PID1: variants seen among roughly 807,000 people sequenced by gnomAD.
PID1 encodes PTB-containing, cubilin and LRP1-interacting protein.
In PID1, 10 loss-of-function variants were observed where a neutral mutation model predicts 19.1. The observed-to-expected ratio is 0.52, with a 90% CI of 0.32 to 0.89. PID1 has a LOEUF of 0.89. Among genes scored for constraint, PID1 ranks in the 40% least tolerant of loss-of-function variants. PID1 has a pLI of 0.03. For synonymous variants in PID1, 130 were observed against 116.0 expected (o/e 1.12, Z -0.78); for missense variants, 248 against 285.3 (o/e 0.87, Z 0.94).
chr2:229,073,410 A>T (rs959969244), intron 2 of PID1, among the ~76,000 whole-genome samples: 6 of 152,368 alleles, frequency 3.9e-5, no homozygotes, highest in Middle Eastern at 3.4e-3. Context: ...TGTGAAAACT[A>T]AGCTTCATCA....
intron 1 of PID1, among the ~76,000 whole-genome samples, chr2:229,248,950 T>C (rs1338164874): frequency 1.3e-5 from 2 of 152,220 alleles, no homozygotes; most frequent in African/African-American, 4.8e-5. Flanking sequence ...GCTTTCTTGA[T>C]GATGCTCAAA....
chr2:229,094,612 T>C (rs1694938406), intron 2 of PID1, among the ~76,000 whole-genome samples: 1 of 151,618 alleles, frequency 6.6e-6, no homozygotes, highest in Admixed American at 6.6e-5. Context: ...TGGAAGACAA[T>C]AGAGAACTCA....
intron 1 of PID1, among the ~76,000 whole-genome samples, chr2:229,181,300 A>C (rs1347811808): frequency 6.6e-6 from 1 of 152,218 alleles, no homozygotes; most frequent in Non-Finnish European, 1.5e-5. Flanking sequence ...GGCAGAAAGC[A>C]GACGTTGTAT....
chr2:229,102,400 T>C (rs1313418463), intron 2 of PID1, among the ~76,000 whole-genome samples: 1 of 152,148 alleles, frequency 6.6e-6, no homozygotes, highest in Non-Finnish European at 1.5e-5. Context: ...GAAGCTATTG[T>C]TAATAGAAGA....
chr2:229,036,486 C>T (rs1380948488), intron 2 of PID1, among the ~76,000 whole-genome samples: 1 of 152,078 alleles, frequency 6.6e-6, no homozygotes, highest in Non-Finnish European at 1.5e-5. Flanking sequence ...TGTGGTGGCT[C>T]ACGGCTGTAA....
chr2:229,153,165 A>G (rs1690292704), intron 2 of PID1, among the ~76,000 whole-genome samples: 1 of 152,242 alleles, frequency 6.6e-6, no homozygotes, highest in Non-Finnish European at 1.5e-5. Context: ...GATTTTTTTA[A>G]CAAAACTCAG....
rs114813333 is a variant in PID1 at position 229,222,799 on chromosome 2, C to T, written c.30+48215G>A. Among the ~76,000 whole-genome samples the T allele has an allele frequency of 6.1e-3, 924 of 151,878 alleles. 7 individuals are homozygous for T. The highest frequency in any genetic ancestry group is 0.02 in the African/African-American group (811 of 41,428). On this transcript the variant is annotated intron_variant, in intron 1 of 2. Coordinates refer to ENST00000392055, the MANE Select transcript of PID1 (RefSeq NM_001100818.2). ...CCTACACCATCAGCTCTGCTGGGTC[C>T]GGATTTCTCAGCCTCCAAAATCACA...
intron 1 of PID1, among the ~76,000 whole-genome samples, chr2:229,254,484 AG>A (rs1690241012): frequency 1.3e-5 from 2 of 152,232 alleles, no homozygotes; most frequent in African/African-American, 4.8e-5. Flanking sequence ...GAAAAACGTC[AG>A]GGCTCCAGAT....
intron 2 of PID1, among the ~76,000 whole-genome samples, chr2:229,149,853 G>A (rs1690211910): frequency 6.6e-6 from 1 of 152,150 alleles, no homozygotes; most frequent in Admixed American, 6.5e-5. Context: ...AAAGGACAAA[G>A]GAACAAGCGC....
chr2:229,176,161 A>T (rs982227208), intron 1 of PID1, among the ~76,000 whole-genome samples: 23 of 136 alleles, frequency 0.17, no homozygotes, highest in Middle Eastern at 0.5. Context: ...TCAAAAATTA[A>T]AAAAAAAAAA....
intron 2 of PID1, among the ~76,000 whole-genome samples, chr2:229,061,572 T>C (rs13405193): frequency 0.07 from 10,612 of 152,074 alleles, 1,234 homozygotes; most frequent in African/African-American, 0.24. Context: ...TTGCTCAAGA[T>C]TGCTTTCACT....
chr2:229,047,293 G>A (rs1693902882), intron 2 of PID1, among the ~76,000 whole-genome samples: 1 of 152,082 alleles, frequency 6.6e-6, no homozygotes. Flanking sequence ...CTTCCATCTG[G>A]CCCCCACCCT....
chr2:229,048,457 T>G (rs904404212), intron 2 of PID1, among the ~76,000 whole-genome samples: 1 of 152,152 alleles, frequency 6.6e-6, no homozygotes, highest in African/African-American at 2.4e-5. Context: ...TTATTTTTGC[T>G]CTCACAAATC....
chr2:229,039,297 T>C (rs1005968155), intron 2 of PID1, among the ~76,000 whole-genome samples: 7 of 152,178 alleles, frequency 4.6e-5, no homozygotes, highest in African/African-American at 1.4e-4. Context: ...CATAAACTTA[T>C]ATTAGGTTGA....
intron 2 of PID1, among the ~76,000 whole-genome samples, chr2:229,092,248 G>A (rs1028842640): frequency 6.6e-6 from 1 of 152,068 alleles, no homozygotes; most frequent in Non-Finnish European, 1.5e-5. Flanking sequence ...TCCACTGTAC[G>A]GTGGTGGTAC....
chr2:229,186,538 C>G (rs1691136699), intron 1 of PID1, among the ~76,000 whole-genome samples: 1 of 152,238 alleles, frequency 6.6e-6, no homozygotes, highest in Non-Finnish European at 1.5e-5. Context: ...TCCGAAGCCA[C>G]AGCCCAAGCT....
intron 1 of PID1, among the ~76,000 whole-genome samples, chr2:229,186,806 A>T (rs891561389): frequency 6.6e-6 from 1 of 152,224 alleles, no homozygotes; most frequent in African/African-American, 2.4e-5. Flanking sequence ...ATTTCTCCTC[A>T]GAAAATGGGA....
chr2:229,184,180 ATG>A (rs201941934), intron 1 of PID1, among the ~76,000 whole-genome samples: 1 of 24,220 alleles, frequency 4.1e-5, no homozygotes, highest in Non-Finnish European at 6.9e-5. Context: ...TATATCCCAT[ATG>A]TATATATCCC....
At position 229,087,150 on chromosome 2, in the gene PID1, T is replaced by G. The variant is rs1416200161; in HGVS notation, c.178-61042A>C. Among the ~76,000 whole-genome samples the G allele has an allele frequency of 2.6e-5, 4 of 151,918 alleles. No homozygotes were observed. In the East Asian group the frequency reaches 7.7e-4, roughly 29 times the overall value. ...TAACTGCTTATCAAATTACATTAATTTTTTTTTACCCTGTGGGAAGAGTTA... is the reference window on the plus strand; with the variant it reads ...TAACTGCTTATCAAATTACATTAATGTTTTTTTACCCTGTGGGAAGAGTTA... On this transcript the variant is annotated intron_variant, in intron 2 of 2. Coordinates refer to ENST00000392055, the MANE Select transcript of PID1 (RefSeq NM_001100818.2).
Sources: gnomAD v4.1 joint callset for allele counts (sites outside exome capture counted in the v4.1 genomes callset) on GRCh38, gnomAD v4.1.1 for gene constraint, MANE v1.5 for transcripts, NCBI Gene and HGNC (gene_info 2026-07-23, HGNC 2026-07-21) for gene names.